ZNF469: variants seen among roughly 807,000 people sequenced by gnomAD.
ZNF469 encodes the protein zinc finger protein 469.
ZNF469 carries 1 observed loss-of-function variant against 1.0 expected under a neutral mutation model. The observed-to-expected ratio is 1.00, with a 90% CI of 0.35 to 4.73. ZNF469 has a LOEUF of 4.73. Ranked by LOEUF, ZNF469 falls within the 30% of genes most tolerant of loss-of-function variation. The pLI is 0.16. For missense variants in ZNF469, 6,100 were observed against 5,356.3 expected (o/e 1.14, Z -4.33); for synonymous variants, 2,703 against 2,363.4 (o/e 1.14, Z -4.17).
At chr16:88,337,041 G>C in the ZNF469 span, among the ~76,000 whole-genome samples, 4 of 152,204 alleles carry the variant, frequency 2.6e-5, no homozygotes, top group African/African-American at 9.7e-5. Context: ...CCTCTTCGTG[G>C]CTGAAAAGTA....
chr16:88,209,688 C>T, the ZNF469 span, among the ~76,000 whole-genome samples: 1 of 152,170 alleles, frequency 6.6e-6, no homozygotes, highest in African/African-American at 2.4e-5. Flanking sequence ...ATTATTTTCA[C>T]TTAATAACAT....
At chr16:88,184,794 C>T in the ZNF469 span, among the ~76,000 whole-genome samples, 1 of 152,228 alleles carries the variant, frequency 6.6e-6, no homozygotes. Context: ...AACCTCGTCA[C>T]GCTGCAAGTG....
chr16:88,305,897 C>A, the ZNF469 span, among the ~76,000 whole-genome samples: 1 of 152,166 alleles, frequency 6.6e-6, no homozygotes, highest in African/African-American at 2.4e-5. Context: ...CCCCAGCACA[C>A]TCTCATGCAC....
chr16:88,221,175 G>C, the ZNF469 span, among the ~76,000 whole-genome samples: 1 of 152,228 alleles, frequency 6.6e-6, no homozygotes, highest in African/African-American at 2.4e-5. Context: ...GATAGAGCAG[G>C]CCTCACACCA....
At chr16:88,374,012 A>AT in the ZNF469 span, among the ~76,000 whole-genome samples, 4 of 152,056 alleles carry the variant, frequency 2.6e-5, no homozygotes, top group Non-Finnish European at 5.9e-5. Context: ...ATTAAAAAAA[A>AT]AAAAGAGGCT....
rs2142317258 is a variant in ZNF469, at chr16:88,438,693, C to T, written c.11223C>T (p.Gly3741=). The T allele has an allele frequency of 6.5e-7, 1 of 1,550,026 alleles. No individual in the cohort carries two copies. The highest frequency in any genetic ancestry group is 8.7e-7 in the Non-Finnish European group (1 of 1,146,866). ...SSQGSGSPRP[G]TKTGGGSQPQ... is the part of the protein sequence containing the mutation. ...AGGGCAGTGGAAGCCCTCGCCCCGGCACCAAGACAGGAGGTGGCAGCCAGC... is the reference window on the plus strand; with the variant it reads ...AGGGCAGTGGAAGCCCTCGCCCCGGTACCAAGACAGGAGGTGGCAGCCAGC... The change falls in exon 3 of 3, where the codon GGC becomes GGT. Residue 3741 remains glycine (G), a synonymous_variant. Transcript: ENST00000565624.
At chr16:88,266,807 T>C in the ZNF469 span, among the ~76,000 whole-genome samples, 1 of 152,246 alleles carries the variant, frequency 6.6e-6, no homozygotes, top group East Asian at 1.9e-4. Flanking sequence ...GCAGCTGGAC[T>C]TGCAGAGAGT....
chr16:88,204,492 C>T, the ZNF469 span, among the ~76,000 whole-genome samples: 8 of 152,256 alleles, frequency 5.3e-5, no homozygotes, highest in African/African-American at 1.4e-4. Flanking sequence ...AGGCCCTCCT[C>T]GTCCCTCTTC....
upstream of ZNF469, among the ~76,000 whole-genome samples, chr16:88,380,047 T>C (rs1567495079): frequency 6.6e-6 from 1 of 151,882 alleles, no homozygotes; most frequent in Non-Finnish European, 1.5e-5. Context: ...ACACATGCAG[T>C]CACACACACA....
chr16:88,119,476 C>T, the ZNF469 span, among the ~76,000 whole-genome samples: 1 of 152,204 alleles, frequency 6.6e-6, no homozygotes, highest in Non-Finnish European at 1.5e-5. Flanking sequence ...TCTTGGTCAC[C>T]AATTTTCCTT....
chr16:88,363,002 G>C, the ZNF469 span, among the ~76,000 whole-genome samples: 1 of 152,038 alleles, frequency 6.6e-6, no homozygotes, highest in Admixed American at 6.5e-5. Flanking sequence ...GCCCATCCAG[G>C]AAATTTCTCA....
At chr16:88,161,175 G>A in the ZNF469 span, among the ~76,000 whole-genome samples, 2 of 143,216 alleles carry the variant, frequency 1.4e-5, no homozygotes, top group Non-Finnish European at 3.1e-5. Context: ...AAAAAAAAAC[G>A]GGCTTTATTA....
Position 88,428,739 on chromosome 16 carries a change from G to C in ZNF469, c.1269G>C (p.Pro423=). The C allele has an allele frequency of 6.5e-7, 1 of 1,546,968 alleles. No individual in the cohort carries two copies. Among genetic ancestry groups the C allele is most frequent in the African/African-American group, 1.4e-5 (1 of 73,074 alleles). ...GGGTGGACACCAGCCCGGGGCCTCC[G>C]GACACCGAGCTGGCCGCCCCAGGGC... ...ASGVDTSPGP[P]DTELAAPGPP... The change falls in exon 3 of 3, where the codon CCG becomes CCC. Residue 423 remains proline, a synonymous_variant. Coordinates refer to ENST00000565624, the MANE Select transcript of ZNF469 (RefSeq NM_001367624.2).
At chr16:88,127,233 G>A in the ZNF469 span, among the ~76,000 whole-genome samples, 11,365 of 151,984 alleles carry the variant, frequency 0.075, 785 homozygotes, top group East Asian at 0.2. Context: ...CGTTGTCCGC[G>A]TCACAGGCCT....
chr16:88,256,896 T>TC, the ZNF469 span, among the ~76,000 whole-genome samples: 9 of 27,120 alleles, frequency 3.3e-4, no homozygotes, highest in African/African-American at 7.9e-4. Flanking sequence ...TTTTCTTTCC[T>TC]TCTTTCTTTC....
At chr16:88,426,590 G>A (rs1373576502) in intron 2 of ZNF469, among the ~76,000 whole-genome samples, 1 of 152,264 alleles carries the variant, frequency 6.6e-6, no homozygotes, top group Non-Finnish European at 1.5e-5. Context: ...GGCACCGTCT[G>A]GAGGCTGGGG....
At chr16:88,400,417 T>C (rs1904821054) in intron 1 of ZNF469, among the ~76,000 whole-genome samples, 1 of 152,170 alleles carries the variant, frequency 6.6e-6, no homozygotes, top group Non-Finnish European at 1.5e-5. Flanking sequence ...GGCTCACACC[T>C]GTCAGAGCTC....
the ZNF469 span, among the ~76,000 whole-genome samples, chr16:88,331,109 C>T: frequency 1.2e-4 from 18 of 151,602 alleles, no homozygotes; most frequent in East Asian, 1.9e-4. Flanking sequence ...TTGTCACCAT[C>T]GCCACCACCA....
Position 88,435,177 on chromosome 16 carries a change from C to G in ZNF469, c.7707C>G (p.His2569Gln). Residue 2569 changes from histidine to glutamine, a missense_variant, in exon 3 of 3, where the codon CAC becomes CAG. By Grantham distance (24) the His-to-Gln change is conservative (BLOSUM62 0). Coordinates refer to ENST00000565624, the MANE Select transcript of ZNF469 (RefSeq NM_001367624.2). ...TTCTCAGAGCACCGGGGTCCCCACA[C>G]AGCCAGCAGCTGCACCCTCCAAGCC... is the stretch of plus-strand genomic sequence containing the variant. The part of the protein sequence containing the change: ...KEVLRAPGSP[H>Q]SQQLHPPSPT... 1 of 1,550,382 alleles carries G rather than the reference C, an allele frequency of 6.5e-7. No homozygotes were observed. Among genetic ancestry groups the G allele is most frequent in the Non-Finnish European group, 8.7e-7 (1 of 1,146,984 alleles).
Sources: gnomAD v4.1 joint callset for allele counts (sites outside exome capture counted in the v4.1 genomes callset) on GRCh38, gnomAD v4.1.1 for gene constraint, MANE v1.5 for transcripts, NCBI Gene and HGNC (gene_info 2026-07-23, HGNC 2026-07-21) for gene names.